ADK: variants seen among roughly 807,000 people sequenced by gnomAD.
ADK encodes adenosine kinase, also known as N6,N6-dimethyladenosine kinase.
A neutral mutation model predicts 44.7 loss-of-function variants in ADK; 24 were observed. The observed-to-expected ratio is 0.54, with a 90% CI of 0.39 to 0.76. The LOEUF is 0.76. ADK is among the 30% of genes least tolerant of loss of function. The pLI, the probability that ADK is intolerant of heterozygous loss-of-function variation, is 0.00. For synonymous variants in ADK, 128 were observed against 142.6 expected (o/e 0.90, Z 0.73); for missense variants, 321 against 425.1 (o/e 0.76, Z 2.15).
intron 2 of ADK, among the ~76,000 whole-genome samples, chr10:74,219,440 A>G (rs372595823): frequency 2.0e-5 from 3 of 152,184 alleles, no homozygotes; most frequent in South Asian, 2.1e-4. Context: ...ACACCCCACT[A>G]TCAACATTAG....
intron 3 of ADK, among the ~76,000 whole-genome samples, chr10:74,271,741 C>T (rs1846439577): frequency 6.6e-6 from 1 of 151,138 alleles, no homozygotes; most frequent in South Asian, 2.1e-4. Context: ...AGGACATGAA[C>T]TCATCATTTT....
chr10:74,263,876 TG>T (rs1379080551), intron 3 of ADK, among the ~76,000 whole-genome samples: 1 of 152,240 alleles, frequency 6.6e-6, no homozygotes, highest in Non-Finnish European at 1.5e-5. Context: ...TAGACTTGTA[TG>T]AATACATCAC....
chr10:74,154,256 CTTAAT>C (rs1455399002), intron 1 of ADK, among the ~76,000 whole-genome samples: 1 of 151,784 alleles, frequency 6.6e-6, no homozygotes, highest in African/African-American at 2.4e-5. Context: ...GTTCTCAGAT[CTTAAT>C]TTAATTTAAT....
At chr10:74,680,525 ATT>A (rs77913387) in intron 10 of ADK, among the ~76,000 whole-genome samples, 4 of 147,094 alleles carry the variant, frequency 2.7e-5, no homozygotes, top group African/African-American at 4.9e-5. Flanking sequence ...GTATGTCTGA[ATT>A]TTTTTTTTTT....
At chr10:74,321,688 A>G (rs1165754299) in intron 4 of ADK, among the ~76,000 whole-genome samples, 2 of 152,176 alleles carry the variant, frequency 1.3e-5, no homozygotes, top group East Asian at 3.8e-4. Context: ...TTCCAGTAAA[A>G]TTTTAACCAT....
At chr10:74,434,096 G>A (rs1336575490) in intron 6 of ADK, among the ~76,000 whole-genome samples, 1 of 152,022 alleles carries the variant, frequency 6.6e-6, no homozygotes, top group African/African-American at 2.4e-5. Context: ...AAATCCAGAG[G>A]GAGAAATGAT....
At chr10:74,358,185 C>A (rs115070083) in intron 4 of ADK, among the ~76,000 whole-genome samples, 3 of 152,146 alleles carry the variant, frequency 2.0e-5, no homozygotes, top group African/African-American at 2.4e-5. Flanking sequence ...TCTTTATACT[C>A]GTTATGAAAT....
At chr10:74,568,562 T>C (rs1683136502) in intron 7 of ADK, among the ~76,000 whole-genome samples, 1 of 150,136 alleles carries the variant, frequency 6.7e-6, no homozygotes, top group Admixed American at 6.6e-5. Flanking sequence ...ATTAAGAAAG[T>C]AAGAGAATAA....
chr10:74,490,598 G>C (rs1847442242), intron 6 of ADK, among the ~76,000 whole-genome samples: 1 of 152,086 alleles, frequency 6.6e-6, no homozygotes, highest in Non-Finnish European at 1.5e-5. Context: ...CATAGTGCTA[G>C]TAAATAAGAG....
chr10:74,375,661 A>T (rs546655582), intron 4 of ADK, among the ~76,000 whole-genome samples: 4 of 151,518 alleles, frequency 2.6e-5, no homozygotes, highest in East Asian at 1.9e-4. Flanking sequence ...TTTTTTTTTT[A>T]AACTGCTGGT....
chr10:74,231,135 AAAG>A (rs1844745948), intron 3 of ADK, among the ~76,000 whole-genome samples: 1 of 152,232 alleles, frequency 6.6e-6, no homozygotes, highest in Non-Finnish European at 1.5e-5. Flanking sequence ...AGTGAGTTGA[AAAG>A]AATTAATTAC....
intron 9 of ADK, among the ~76,000 whole-genome samples, chr10:74,667,553 G>A (rs1361309623): frequency 2.7e-5 from 4 of 147,640 alleles, no homozygotes; most frequent in Non-Finnish European, 4.4e-5. Flanking sequence ...TTTCCTCCGA[G>A]AGGGAGTCTC....
At chr10:74,555,526 C>T (rs1284140941) in intron 7 of ADK, among the ~76,000 whole-genome samples, 1 of 151,316 alleles carries the variant, frequency 6.6e-6, no homozygotes, top group Non-Finnish European at 1.5e-5. Context: ...TGGAAGGATC[C>T]CTGGAACCCA....
At chr10:74,276,133 T>C (rs1226301696) in intron 3 of ADK, among the ~76,000 whole-genome samples, 1 of 152,216 alleles carries the variant, frequency 6.6e-6, no homozygotes, top group Non-Finnish European at 1.5e-5. Flanking sequence ...GTTTACCCAT[T>C]GCACGTGCGC....
intron 6 of ADK, among the ~76,000 whole-genome samples, chr10:74,452,951 C>G (rs961012186): frequency 6.6e-6 from 1 of 151,930 alleles, no homozygotes; most frequent in Admixed American, 6.6e-5. Context: ...TATATAAGCT[C>G]CACACTTTAT....
At chr10:74,213,053 G>A (rs1226055242) in intron 2 of ADK, among the ~76,000 whole-genome samples, 2 of 152,174 alleles carry the variant, frequency 1.3e-5, no homozygotes, top group African/African-American at 4.8e-5. Context: ...ATCCAGGCAG[G>A]CATATTCAGG....
At chr10:74,180,821 G>A (rs1320719153) in intron 1 of ADK, among the ~76,000 whole-genome samples, 3 of 152,110 alleles carry the variant, frequency 2.0e-5, no homozygotes, top group Non-Finnish European at 2.9e-5. Context: ...AAAGTGCTGG[G>A]ATTACAGGCG....
At chr10:74,629,265 A>G (rs988892868) in intron 9 of ADK, among the ~76,000 whole-genome samples, 2 of 152,122 alleles carry the variant, frequency 1.3e-5, no homozygotes, top group African/African-American at 4.8e-5. Flanking sequence ...CCTGGCCTCA[A>G]GTGATTCTCC....
chr10:74,188,730 T>G (rs1303991574), intron 1 of ADK, among the ~76,000 whole-genome samples: 1 of 152,136 alleles, frequency 6.6e-6, no homozygotes, highest in Non-Finnish European at 1.5e-5. Flanking sequence ...TTATTGTTTT[T>G]AAACCTTTCT....
Sources: gnomAD v4.1 joint callset for allele counts (sites outside exome capture counted in the v4.1 genomes callset) on GRCh38, gnomAD v4.1.1 for gene constraint, MANE v1.5 for transcripts, NCBI Gene and HGNC (gene_info 2026-07-23, HGNC 2026-07-21) for gene names.